The following AIG1 variants were observed in gnomAD, a reference collection of about 807,000 sequenced individuals.
AIG1 encodes the protein androgen induced 1.
In AIG1, 23 loss-of-function variants were observed where a neutral mutation model predicts 31.4. The ratio of observed to expected loss-of-function variants is 0.73; its 90% CI spans 0.53 to 1.04. The LOEUF (loss-of-function observed/expected upper bound fraction) is 1.04, where lower values mean the gene tolerates loss of function less well. AIG1 is among the 50% of genes least tolerant of loss of function. The probability of loss-of-function intolerance (pLI) is 0.00; values close to 1 mark genes in which losing one functional copy is unlikely to be tolerated. For synonymous variants in AIG1, 100 were observed against 110.5 expected (o/e 0.90, Z 0.60); for missense variants, 274 against 295.0 (o/e 0.93, Z 0.52).
intron 3 of AIG1, chr6:143,190,195 AAAAGAAAGG>A (rs1392310401): frequency 1.0e-6 from 1 of 984,540 alleles, no homozygotes; most frequent in African/African-American, 1.8e-5. Flanking sequence ...CAGGATGAGA[AAAAGAAAGG>A]AAAGTACAAC....
chr6:143,154,023 G>A (rs1394728409), intron 2 of AIG1, among the ~76,000 whole-genome samples: 1 of 151,676 alleles, frequency 6.6e-6, no homozygotes, highest in East Asian at 1.9e-4. Context: ...GGCCAAGGCT[G>A]GAGGATCACT....
At chr6:143,176,883 T>G (rs1788218780) in intron 3 of AIG1, among the ~76,000 whole-genome samples, 1 of 152,234 alleles carries the variant, frequency 6.6e-6, no homozygotes, top group Non-Finnish European at 1.5e-5. Context: ...TGGTTTCTCT[T>G]GGCTTTCCTG....
chr6:143,060,961 A>T lies in AIG1; in HGVS notation c.36A>T (p.Ala12=). The T allele has an allele frequency of 6.2e-7, 1 of 1,612,476 alleles. No homozygotes were observed. Among genetic ancestry groups the T allele is most frequent in the Non-Finnish European group, 8.5e-7 (1 of 1,179,606 alleles). The stretch of plus-strand genomic sequence containing the variant: ...TCCCCTGCCAGGTGCTGCGGATGGC[A>T]ATCCTGCTGTCTTACTGCTCTATCC... ...ALVPCQVLRM[A]ILLSYCSILC... Residue 12 remains alanine, a synonymous_variant, in exon 1 of 6, where the codon GCA becomes GCT. Coordinates refer to ENST00000357847, the MANE Select transcript of AIG1 (RefSeq NM_016108.4).
At chr6:143,154,296 C>T (rs1237978513) in intron 2 of AIG1, among the ~76,000 whole-genome samples, 1 of 152,166 alleles carries the variant, frequency 6.6e-6, no homozygotes, top group African/African-American at 2.4e-5. Context: ...TGTGAAATCT[C>T]TGGCCCATAC....
chr6:143,155,109 T>C (rs1314322626), intron 2 of AIG1, among the ~76,000 whole-genome samples: 1 of 151,130 alleles, frequency 6.6e-6, no homozygotes, highest in Non-Finnish European at 1.5e-5. Context: ...TCCACCCACC[T>C]CAGCCTCCCA....
At chr6:143,080,332 A>G (rs905048658) in intron 1 of AIG1, among the ~76,000 whole-genome samples, 2 of 152,154 alleles carry the variant, frequency 1.3e-5, no homozygotes, top group African/African-American at 2.4e-5. Flanking sequence ...CATGGACTGC[A>G]TCTGGGGCTC....
At chr6:143,203,971 C>T (rs1247450888) in intron 3 of AIG1, among the ~76,000 whole-genome samples, 1 of 152,014 alleles carries the variant, frequency 6.6e-6, no homozygotes, top group Non-Finnish European at 1.5e-5. Flanking sequence ...GAGATGGCTA[C>T]CACTGAGGGA....
chr6:143,151,142 A>C (rs756519136), intron 2 of AIG1, among the ~76,000 whole-genome samples: 1 of 152,182 alleles, frequency 6.6e-6, no homozygotes, highest in Non-Finnish European at 1.5e-5. Flanking sequence ...CATCATAGGA[A>C]AATTTTAAAG....
At chr6:143,310,874 C>G (rs1775211475) in intron 4 of AIG1, among the ~76,000 whole-genome samples, 1 of 151,658 alleles carries the variant, frequency 6.6e-6, no homozygotes, top group Non-Finnish European at 1.5e-5. Flanking sequence ...TGGAAAGAAA[C>G]AATCACCAAA....
At chr6:143,310,205 T>C (rs528071292) in intron 4 of AIG1, among the ~76,000 whole-genome samples, 2 of 151,914 alleles carry the variant, frequency 1.3e-5, no homozygotes, top group Non-Finnish European at 2.9e-5. Flanking sequence ...CCACTCAAGC[T>C]TATGTAGGAC....
At chr6:143,128,357 A>G (rs1583265654) in intron 1 of AIG1, among the ~76,000 whole-genome samples, 1 of 152,298 alleles carries the variant, frequency 6.6e-6, no homozygotes, top group Non-Finnish European at 1.5e-5. Context: ...AGTAGAGAAG[A>G]TTTTAGAGAA....
At chr6:143,101,138 A>G (rs1323393292) in intron 1 of AIG1, among the ~76,000 whole-genome samples, 8 of 152,084 alleles carry the variant, frequency 5.3e-5, no homozygotes, top group Admixed American at 3.3e-4. Context: ...TGTTTATTAA[A>G]GTGAGATGTC....
chr6:143,281,791 A>G (rs1797356371), intron 3 of AIG1, among the ~76,000 whole-genome samples: 2 of 152,188 alleles, frequency 1.3e-5, no homozygotes, highest in South Asian at 2.1e-4. Flanking sequence ...CCAAATGATA[A>G]GCTGTTATGA....
intron 4 of AIG1, among the ~76,000 whole-genome samples, chr6:143,317,729 GT>G (rs138613766): frequency 0.13 from 20,077 of 150,770 alleles, 1,563 homozygotes; most frequent in East Asian, 0.37. Flanking sequence ...TGATATGATT[GT>G]ATACCTAGAA....
At chr6:143,302,867 C>A (rs1298551570) in intron 4 of AIG1, among the ~76,000 whole-genome samples, 2 of 152,182 alleles carry the variant, frequency 1.3e-5, no homozygotes, top group African/African-American at 4.8e-5. Context: ...CCTATTTCTC[C>A]ACATCCTCTC....
rs886803341 is a variant in AIG1 at position 143,330,005 on chromosome 6, T to G, written c.516-3277T>G. Among the ~76,000 whole-genome samples the G allele has an allele frequency of 2.6e-5, 4 of 151,766 alleles. No individual in the cohort carries two copies. Among genetic ancestry groups the G allele is most frequent in the South Asian group, 2.1e-4 (1 of 4,792 alleles). ...ACAAAAAGCATAAAGATTTTGGAGG[T>G]TTTTTTTGAGATTAAAAAAAATTCA... is the stretch of plus-strand genomic sequence containing the variant. On this transcript the variant is annotated intron_variant, in intron 4 of 5. Coordinates refer to ENST00000357847, the MANE Select transcript of AIG1 (RefSeq NM_016108.4). The surrounding 1 kb of genome is among the most constrained non-coding windows in gnomAD (Gnocchi z 4.4).
chr6:143,195,746 G>A (rs1790170588), intron 3 of AIG1, among the ~76,000 whole-genome samples: 1 of 151,036 alleles, frequency 6.6e-6, no homozygotes, highest in Middle Eastern at 3.2e-3. Context: ...GAAGGAGGCA[G>A]GGCTGGCAAC....
chr6:143,209,589 C>T (rs1453663240), intron 3 of AIG1, among the ~76,000 whole-genome samples: 1 of 152,162 alleles, frequency 6.6e-6, no homozygotes, highest in Non-Finnish European at 1.5e-5. Flanking sequence ...TGTGGACCCA[C>T]TCTAGATCTG....
chr6:143,189,163 C>T, intron 3 of AIG1: 10 of 502,306 alleles, frequency 2.0e-5, no homozygotes, highest in Non-Finnish European at 2.6e-5. Flanking sequence ...CCTGCCTCAG[C>T]CCCCCAAGTA....
Sources: gnomAD v4.1 joint callset for allele counts (sites outside exome capture counted in the v4.1 genomes callset) on GRCh38, gnomAD v4.1.1 for gene constraint, Gnocchi (gnomAD v3.1) non-coding constraint, MANE v1.5 for transcripts, NCBI Gene and HGNC (gene_info 2026-07-23, HGNC 2026-07-21) for gene names.